FOXP2: variants seen among roughly 807,000 people sequenced by gnomAD.
FOXP2 encodes the protein forkhead box protein P2.
FOXP2 carries 12 observed loss-of-function variants against 115.8 expected under a neutral mutation model. That is an observed-to-expected ratio of 0.10 (90% CI 0.07 to 0.17). The LOEUF is 0.17. FOXP2 is among the 10% of genes least tolerant of loss of function. The pLI, the probability that FOXP2 is intolerant of heterozygous loss-of-function variation, is 1.00. For synonymous variants in FOXP2, 328 were observed against 297.7 expected (o/e 1.10, Z -1.05); for missense variants, 629 against 843.5 (o/e 0.75, Z 3.15).
At chr7:114,640,382 T>C (rs993266964) in intron 6 of FOXP2, among the ~76,000 whole-genome samples, 5 of 152,192 alleles carry the variant, frequency 3.3e-5, no homozygotes, top group African/African-American at 1.2e-4. Context: ...GGCTAGGTCC[T>C]TGTCTTAAAT....
In FOXP2 at chr7:114,502,099, C is replaced by G. The variant is rs146097175; in HGVS notation, c.169-32518C>G. 4.4e-3 allele frequency among the ~76,000 whole-genome samples: 668 copies of G among 152,026 alleles called. 8 individuals are homozygous for G. The highest frequency in any genetic ancestry group is 0.015 in the African/African-American group (628 of 41,492). On this transcript the variant is annotated intron_variant, in intron 2 of 16. Coordinates refer to ENST00000350908, the MANE Select transcript of FOXP2 (RefSeq NM_014491.4). ...GTGTGGGGTTTAAAACTGCATTTAC[C>G]TAAATGTTTATATTAAGACAAAACC...
chr7:114,510,277 C>T (rs1282982772), intron 2 of FOXP2, among the ~76,000 whole-genome samples: 1 of 152,102 alleles, frequency 6.6e-6, no homozygotes, highest in Admixed American at 6.6e-5. Flanking sequence ...TTTCATTTTC[C>T]ATGACTGATA....
At chr7:114,379,882 A>G (rs980802822) in intron 2 of FOXP2, among the ~76,000 whole-genome samples, 1 of 152,060 alleles carries the variant, frequency 6.6e-6, no homozygotes, top group African/African-American at 2.4e-5. Context: ...AGTAATTTTT[A>G]TTGGTTAGCT....
intron 2 of FOXP2, among the ~76,000 whole-genome samples, chr7:114,408,883 G>A (rs1793100099): frequency 6.6e-6 from 1 of 151,968 alleles, no homozygotes; most frequent in Admixed American, 6.6e-5. Flanking sequence ...CTTTATTTTT[G>A]AATAATTGAC....
chr7:114,421,558 A>G (rs570765551), intron 1 of FOXP2, among the ~76,000 whole-genome samples: 1 of 151,624 alleles, frequency 6.6e-6, no homozygotes, highest in African/African-American at 2.4e-5. Flanking sequence ...TGTTTAAATA[A>G]GTAAAAAGTA....
At chr7:114,328,233 CTT>C (rs1193894946) in intron 2 of FOXP2, among the ~76,000 whole-genome samples, 9 of 129,558 alleles carry the variant, frequency 6.9e-5, no homozygotes, top group Middle Eastern at 4.3e-3. Context: ...CTTTTCTTTT[CTT>C]TTTTTTTTTT....
At chr7:114,361,222 T>C (rs1401311784) in intron 2 of FOXP2, among the ~76,000 whole-genome samples, 3 of 152,106 alleles carry the variant, frequency 2.0e-5, no homozygotes, top group African/African-American at 4.8e-5. Context: ...TGGTCTTAAA[T>C]GTCAATAAGA....
intron 2 of FOXP2, among the ~76,000 whole-genome samples, chr7:114,310,919 A>G (rs182445420): frequency 2.4e-4 from 37 of 152,168 alleles, no homozygotes; most frequent in East Asian, 7.7e-4. Flanking sequence ...GTGCAGCTCA[A>G]CCTTTTGACT....
intron 1 of FOXP2, among the ~76,000 whole-genome samples, chr7:114,141,855 C>G (rs905610113): frequency 2.0e-5 from 3 of 152,138 alleles, no homozygotes; most frequent in Non-Finnish European, 4.4e-5. Context: ...GATTAAATTA[C>G]AGAATTTTAA....
intron 3 of FOXP2, among the ~76,000 whole-genome samples, chr7:114,568,440 G>T (rs1295752403): frequency 6.7e-6 from 1 of 149,378 alleles, no homozygotes; most frequent in East Asian, 1.9e-4. Flanking sequence ...TTTTGGGGGG[G>T]GGTTATTTTG....
chr7:114,348,935 A>G (rs528612812), intron 2 of FOXP2, among the ~76,000 whole-genome samples: 1 of 152,072 alleles, frequency 6.6e-6, no homozygotes, highest in Non-Finnish European at 1.5e-5. Context: ...AAATGGGCCA[A>G]ATGGGCTCAT....
intron 3 of FOXP2, among the ~76,000 whole-genome samples, chr7:114,605,330 G>A (rs1803254647): frequency 6.6e-6 from 1 of 151,998 alleles, no homozygotes; most frequent in African/African-American, 2.4e-5. Context: ...TAATAATAAT[G>A]ATTATCATAA....
chr7:114,134,488 C>A (rs1019762755), intron 1 of FOXP2, among the ~76,000 whole-genome samples: 4 of 151,876 alleles, frequency 2.6e-5, no homozygotes, highest in Non-Finnish European at 5.9e-5. Context: ...CCGAGGCGGG[C>A]GGATCACGAG....
At chr7:114,631,450 T>C (rs2129328211) in intron 5 of FOXP2, 78 bp from the exon 6 acceptor site, 1 of 1,545,406 alleles carries the variant, frequency 6.5e-7, no homozygotes, top group South Asian at 1.2e-5. Context: ...ATGAAAGGAG[T>C]GTGCATTTCC....
intron 1 of FOXP2, among the ~76,000 whole-genome samples, chr7:114,097,511 C>T (rs1241994844): frequency 1.3e-5 from 2 of 152,150 alleles, no homozygotes; most frequent in African/African-American, 2.4e-5. Flanking sequence ...TTAGAATCTT[C>T]CTCTTATTTT....
At chr7:114,521,579 A>G (rs1441164372) in intron 2 of FOXP2, among the ~76,000 whole-genome samples, 1 of 150,388 alleles carries the variant, frequency 6.6e-6, no homozygotes, top group Non-Finnish European at 1.5e-5. Context: ...TTAGAGAATG[A>G]TTTCTTTTTA....
chr7:114,568,433 T>TG (rs376309639), intron 3 of FOXP2, among the ~76,000 whole-genome samples: 13,515 of 146,430 alleles, frequency 0.092, 734 homozygotes, highest in Middle Eastern at 0.15. Flanking sequence ...GGTTTTTTTT[T>TG]GGGGGGGGGT....
At chr7:114,628,951 G>A (rs955503213) in intron 4 of FOXP2, 15 of 387,112 alleles carry the variant, frequency 3.9e-5, no homozygotes, top group African/African-American at 2.7e-4. Flanking sequence ...CAAATGCTTA[G>A]GTACATTCAA....
chr7:114,171,132 A>G (rs1297956150), intron 1 of FOXP2, among the ~76,000 whole-genome samples: 1 of 152,160 alleles, frequency 6.6e-6, no homozygotes, highest in African/African-American at 2.4e-5. Context: ...TTAAATGCTA[A>G]ATCTACTCTG....
Sources: allele counts gnomAD v4.1 joint callset (sites outside exome capture counted in the v4.1 genomes callset), GRCh38; gene constraint gnomAD v4.1.1; transcripts MANE v1.5; gene names NCBI Gene and HGNC (gene_info 2026-07-23, HGNC 2026-07-21).